The following MED27 variants were observed in gnomAD, a reference collection of about 807,000 sequenced individuals.
The protein encoded by MED27 is mediator complex subunit 27.
Under a neutral mutation model 38.2 loss-of-function variants are expected in MED27, and 30 were observed. The observed-to-expected ratio is 0.79, with a 90% CI of 0.59 to 1.07. The LOEUF is 1.07. MED27 is among the 50% of genes least tolerant of loss of function. MED27 has a pLI of 0.00. For missense variants in MED27, 289 were observed against 397.5 expected, an observed-to-expected ratio of 0.73 and a Z score of 2.32; for synonymous variants, 122 against 153.5, an observed-to-expected ratio of 0.79 and a Z score of 1.52.
intron 3 of MED27, among the ~76,000 whole-genome samples, chr9:131,968,776 C>T (rs1252331100): frequency 2.6e-5 from 4 of 152,140 alleles, no homozygotes; most frequent in Non-Finnish European, 5.9e-5. Context: ...GGAACTGGGC[C>T]GCACAGCAGG....
intron 5 of MED27, among the ~76,000 whole-genome samples, chr9:131,892,881 C>T (rs1044378839): frequency 5.9e-5 from 9 of 152,160 alleles, no homozygotes; most frequent in South Asian, 2.1e-4. Flanking sequence ...TTGGTATCAA[C>T]GAGGAAATTT....
At chr9:132,070,722 C>T (rs945014429) in intron 2 of MED27, among the ~76,000 whole-genome samples, 1 of 152,106 alleles carries the variant, frequency 6.6e-6, no homozygotes, top group Non-Finnish European at 1.5e-5. Context: ...CTTCTCACCT[C>T]CTCTCCATGG....
intron 6 of MED27, among the ~76,000 whole-genome samples, chr9:131,877,317 G>C (rs1310401138): frequency 6.6e-6 from 1 of 152,180 alleles, no homozygotes; most frequent in Non-Finnish European, 1.5e-5. Context: ...TGTAATCCCA[G>C]CACTTTGGGA....
At chr9:132,015,558 A>C (rs1832582721) in intron 2 of MED27, among the ~76,000 whole-genome samples, 1 of 152,222 alleles carries the variant, frequency 6.6e-6, no homozygotes, top group African/African-American at 2.4e-5. Flanking sequence ...CTGTATAACT[A>C]CCACCCCAAG....
intron 4 of MED27, among the ~76,000 whole-genome samples, chr9:131,908,963 C>T (rs568988481): frequency 1.3e-5 from 2 of 152,268 alleles, no homozygotes; most frequent in South Asian, 2.1e-4. Context: ...TTTACCCAGC[C>T]CCTATTCAAG....
intron 1 of MED27, among the ~76,000 whole-genome samples, chr9:132,078,533 G>C (rs1834106268): frequency 6.6e-6 from 1 of 152,160 alleles, no homozygotes; most frequent in African/African-American, 2.4e-5. Flanking sequence ...ACAGCAAGCG[G>C]ATGTGGGCGT....
chr9:132,015,367 C>T (rs1166443038), intron 2 of MED27, among the ~76,000 whole-genome samples: 5 of 152,194 alleles, frequency 3.3e-5, no homozygotes, highest in Non-Finnish European at 5.9e-5. Context: ...GGACAAACTG[C>T]TGAGCTTCAT....
intron 2 of MED27, among the ~76,000 whole-genome samples, chr9:132,029,875 G>C (rs1832915738): frequency 6.6e-6 from 1 of 152,034 alleles, no homozygotes; most frequent in Non-Finnish European, 1.5e-5. Context: ...TGTGTGTGGG[G>C]GCGGGGGAGG....
chr9:131,864,375 C>G (rs1454615082), intron 6 of MED27, among the ~76,000 whole-genome samples: 1 of 152,122 alleles, frequency 6.6e-6, no homozygotes, highest in African/African-American at 2.4e-5. Flanking sequence ...CCCAGCTACT[C>G]AGGAGGCTGA....
intron 4 of MED27, among the ~76,000 whole-genome samples, chr9:131,899,910 C>T (rs1829905973): frequency 6.6e-6 from 1 of 152,222 alleles, no homozygotes; most frequent in Non-Finnish European, 1.5e-5. Flanking sequence ...ACAAACTAGC[C>T]AATGCTGGTC....
intron 4 of MED27, among the ~76,000 whole-genome samples, chr9:131,899,612 T>C (rs1230157807): frequency 1.3e-5 from 2 of 152,174 alleles, no homozygotes; most frequent in Non-Finnish European, 2.9e-5. Context: ...AGGGGTGCGG[T>C]GGACAGCAAA....
At chr9:131,923,980 G>A (rs1030752979) in intron 4 of MED27, among the ~76,000 whole-genome samples, 3 of 152,166 alleles carry the variant, frequency 2.0e-5, no homozygotes, top group Non-Finnish European at 4.4e-5. Context: ...AAAAAGTGAT[G>A]TGGCTCCATT....
intron 2 of MED27, among the ~76,000 whole-genome samples, chr9:132,020,896 TA>T (rs1451062965): frequency 6.6e-6 from 1 of 152,182 alleles, no homozygotes; most frequent in African/African-American, 2.4e-5. Flanking sequence ...TATGGGTAAA[TA>T]ATCTTTTTAC....
intron 2 of MED27, among the ~76,000 whole-genome samples, chr9:132,027,992 C>T (rs191491828): frequency 6.6e-6 from 1 of 152,288 alleles, no homozygotes; most frequent in African/African-American, 2.4e-5. Flanking sequence ...CATCTCTGAT[C>T]TGAGCAACCA....
intron 2 of MED27, among the ~76,000 whole-genome samples, chr9:132,015,981 A>C (rs1464392619): frequency 2.0e-5 from 3 of 152,238 alleles, no homozygotes; most frequent in African/African-American, 7.2e-5. Flanking sequence ...TAAACATACA[A>C]ATAGTAATTC....
chr9:131,905,536 A>G (rs1450291887), intron 4 of MED27, among the ~76,000 whole-genome samples: 1 of 152,004 alleles, frequency 6.6e-6, no homozygotes, highest in East Asian at 1.9e-4. Flanking sequence ...GGCCAACAAA[A>G]CTGCGTCCTT....
chr9:132,012,972 C>T (rs1832516742), intron 3 of MED27, among the ~76,000 whole-genome samples: 1 of 152,168 alleles, frequency 6.6e-6, no homozygotes, highest in Admixed American at 6.5e-5. Flanking sequence ...TGCCAACACT[C>T]CCTTGGACTA....
intron 3 of MED27, among the ~76,000 whole-genome samples, chr9:131,948,865 G>A (rs1025630653): frequency 2.6e-5 from 4 of 152,208 alleles, no homozygotes; most frequent in Admixed American, 1.3e-4. Context: ...CTTGAATTTC[G>A]AGCCATGTGA....
At chr9:132,017,975 C>T (rs1832640729) in intron 2 of MED27, among the ~76,000 whole-genome samples, 1 of 152,188 alleles carries the variant, frequency 6.6e-6, no homozygotes, top group Non-Finnish European at 1.5e-5. Context: ...TCCAAGTTGT[C>T]AGGCAGGGTC....
Sources: gnomAD v4.1 joint callset for allele counts (sites outside exome capture counted in the v4.1 genomes callset) on GRCh38, gnomAD v4.1.1 for gene constraint, MANE v1.5 for transcripts, NCBI Gene and HGNC (gene_info 2026-07-23, HGNC 2026-07-21) for gene names.